The following PHEX variants were observed in gnomAD, a reference collection of about 807,000 sequenced individuals.
The protein encoded by PHEX is phosphate-regulating neutral endopeptidase PHEX.
A neutral mutation model predicts 68.0 loss-of-function variants in PHEX; 16 were observed. The ratio of observed to expected loss-of-function variants is 0.24; its 90% CI spans 0.16 to 0.36. PHEX has a LOEUF of 0.36. PHEX is among the 10% of genes least tolerant of loss of function. The pLI, the probability that PHEX is intolerant of heterozygous loss-of-function variation, is 1.00. For missense variants in PHEX, 480 were observed against 575.5 expected (o/e 0.83, Z 1.70); for synonymous variants, 208 against 205.1 (o/e 1.01, Z -0.12).
In PHEX at chrX:22,231,894, T is replaced by C. The variant is rs761906740; in HGVS notation, c.2070+4283T>C. On this transcript the variant is annotated intron_variant, in intron 20 of 21. Coordinates refer to ENST00000379374, the MANE Select transcript of PHEX (RefSeq NM_000444.6). ...AATTTTAGATCTTTCCTGCTTTCTC[T>C]TGTGTGCATTTAGTGCTATAAATTT... 4.4e-5 allele frequency among the ~76,000 whole-genome samples: 5 copies of C among 112,465 alleles called. No homozygotes were observed. The South Asian group carries it at 1.8e-3, about 41-fold the overall frequency.
At chrX:22,176,985 G>A (rs2301321) in intron 13 of PHEX, among the ~76,000 whole-genome samples, 30,498 of 109,880 alleles carry the variant, frequency 0.28, 3,277 homozygotes, top group African/African-American at 0.37. Flanking sequence ...AACACAGAGG[G>A]TGCCAGGAAT....
rs1293771344 is a variant in PHEX at position 22,132,062 on chromosome X, C to T, written c.1303-1461C>T. 7.2e-5 allele frequency among the ~76,000 whole-genome samples: 8 copies of T among 111,702 alleles called. No homozygotes were observed. The Admixed American group carries it at 7.6e-4, about 11-fold the overall frequency. On this transcript the variant is annotated intron_variant, in intron 11 of 21. Transcript: ENST00000379374. ...TTGCGATAGGTCTTTCAGAAGTCCA[C>T]CTTTCGGTAGCAGCCCCCTTTAGAC...
chrX:22,091,294 G>A (rs1929872134), intron 6 of PHEX, among the ~76,000 whole-genome samples: 1 of 111,557 alleles, frequency 9.0e-6, no homozygotes, highest in Admixed American at 9.5e-5. Flanking sequence ...TGGACAGAAT[G>A]AACATTTGCC....
Position 22,090,456 on chromosome X carries a change from G to A in PHEX, c.691G>A (p.Val231Met), listed in dbSNP as rs376291775. The change falls in exon 6 of 22, where the codon GTG (valine) becomes ATG (methionine). Residue 231 changes from valine (V) to methionine (M), a missense_variant. Val to Met is a conservative substitution (Grantham distance 21). Transcript: ENST00000379374. ...KLDQATLSLA[V>M]REDYLDNSTE... ...GGACCAAGCAACACTCTCCCTGGCCGTGAGGGAAGACTACCTTGATAACAG... is the reference window on the plus strand; with the variant it reads ...GGACCAAGCAACACTCTCCCTGGCCATGAGGGAAGACTACCTTGATAACAG... 129 of 1,207,135 alleles carry A rather than the reference G, an allele frequency of 1.1e-4. No homozygotes were observed. Among genetic ancestry groups the A allele is most frequent in the African/African-American group, 8.2e-4 (47 of 57,283 alleles).
intron 20 of PHEX, among the ~76,000 whole-genome samples, chrX:22,242,107 G>T (rs768617012): frequency 1.2e-4 from 14 of 112,032 alleles, no homozygotes; most frequent in African/African-American, 4.5e-4. Flanking sequence ...TACCTGGGAT[G>T]CAAGGCTGGT....
At chrX:22,163,557 T>TA (rs200055459) in intron 12 of PHEX, among the ~76,000 whole-genome samples, 1,729 of 111,953 alleles carry the variant, frequency 0.015, 35 homozygotes, top group African/African-American at 0.054. Context: ...TCTGTATGAA[T>TA]AAAGCATGAA....
chrX:22,038,519 C>T lies in PHEX; in HGVS notation c.169C>T (p.Pro57Ser). ...LQAKQEYCLK[P>S]ECIEAAAAIL... is the part of the protein sequence containing the mutation. ...AGCTAAACAGGAGTACTGCCTGAAGCCAGAATGCATCGAAGCGGGTAAGTC... is the reference window on the plus strand; with the variant it reads ...AGCTAAACAGGAGTACTGCCTGAAGTCAGAATGCATCGAAGCGGGTAAGTC... The change falls in exon 2 of 22, where the codon CCA (proline) becomes TCA (serine). Residue 57 changes from proline (P) to serine (S), a missense_variant. By Grantham distance (74) the Pro-to-Ser change is moderately conservative. Coordinates refer to ENST00000379374, the MANE Select transcript of PHEX (RefSeq NM_000444.6). 2 of 1,190,450 alleles carry T rather than the reference C, an allele frequency of 1.7e-6. No homozygotes were observed. Among genetic ancestry groups the T allele is most frequent in the East Asian group, 3.0e-5 (1 of 33,730 alleles).
chrX:22,173,588 G>A (rs922856525), intron 13 of PHEX, among the ~76,000 whole-genome samples: 18 of 110,289 alleles, frequency 1.6e-4, no homozygotes, highest in African/African-American at 5.9e-4. Flanking sequence ...TAATAAGTAT[G>A]TCTACATGTA....
intron 3 of PHEX, among the ~76,000 whole-genome samples, chrX:22,061,822 C>T (rs752096242): frequency 9.0e-6 from 1 of 111,514 alleles, no homozygotes; most frequent in South Asian, 3.8e-4. Context: ...CAAACTGTGG[C>T]TTAGAGAGGT....
At chrX:22,142,288 A>G (rs1211781264) in intron 12 of PHEX, among the ~76,000 whole-genome samples, 2 of 112,118 alleles carry the variant, frequency 1.8e-5, no homozygotes, top group African/African-American at 6.5e-5. Context: ...ACTATGACAT[A>G]TTCTTCTAGT....
At chrX:22,137,257 C>G (rs1366533396) in intron 12 of PHEX, among the ~76,000 whole-genome samples, 1 of 111,349 alleles carries the variant, frequency 9.0e-6, no homozygotes, top group Non-Finnish European at 1.9e-5. Flanking sequence ...AAGCTGGATC[C>G]CTTCGGAATT....
intron 2 of PHEX, among the ~76,000 whole-genome samples, chrX:22,041,257 CTCTCTCTCTA>C (rs1212800778): frequency 1.5e-5 from 1 of 65,593 alleles, no homozygotes; most frequent in Non-Finnish European, 2.7e-5. Context: ...CTCTCTCTCT[CTCTCTCTCTA>C]TATATATATA....
intron 3 of PHEX, among the ~76,000 whole-genome samples, chrX:22,049,697 G>A (rs1054097120): frequency 3.5e-4 from 38 of 108,932 alleles, no homozygotes; most frequent in Admixed American, 5.9e-4. Flanking sequence ...GCGAAACCCC[G>A]GCTCTACTAA....
At chrX:22,181,996 T>TA (rs968981151) in intron 14 of PHEX, among the ~76,000 whole-genome samples, 67 of 111,980 alleles carry the variant, frequency 6.0e-4, no homozygotes, top group Non-Finnish European at 1.1e-3. Context: ...TTTTTCCAAA[T>TA]ATAAGATCAT....
chrX:22,044,739 T>TAAATAATAAAA lies in PHEX; in HGVS notation c.188-2309_188-2308insATAATAAAAAA, dbSNP rs1556013709. On this transcript the variant is annotated intron_variant, in intron 2 of 21. Coordinates refer to ENST00000379374, the MANE Select transcript of PHEX (RefSeq NM_000444.6). ...AAAAATAAATAAATAAATAAATAAA[T>TAAATAATAAAA]AATAAAAAATAAAAAAGTAGCAGTA... 1.3e-4 allele frequency among the ~76,000 whole-genome samples: 11 copies of TAAATAATAAAA among 87,293 alleles called. No individual in the cohort carries two copies. The South Asian group carries it at 1.9e-3, about 15-fold the overall frequency. 75.8% of individuals were successfully genotyped at this position (87,293 alleles called of 115,157 possible).
intron 18 of PHEX, among the ~76,000 whole-genome samples, chrX:22,223,764 A>G (rs777605254): frequency 8.9e-6 from 1 of 112,693 alleles, no homozygotes; most frequent in East Asian, 2.8e-4. Flanking sequence ...CGAAACCCTC[A>G]GAGTAAAAAG....
chrX:22,172,565 A>G (rs901822725), intron 13 of PHEX: 1 of 111,140 alleles, frequency 9.0e-6, no homozygotes, highest in African/African-American at 3.3e-5. Flanking sequence ...TTCCAGAGTT[A>G]TTGTCAGAAA....
chrX:22,136,534 A>G (rs1263282572), intron 12 of PHEX, among the ~76,000 whole-genome samples: 1 of 111,980 alleles, frequency 8.9e-6, no homozygotes, highest in Non-Finnish European at 1.9e-5. Flanking sequence ...AGCTGGAAAA[A>G]TGTTCTGATT....
Position 22,098,096 on chromosome X carries a change from T to G in PHEX, c.934-910T>G, listed in dbSNP as rs775029294. 5.1e-5 allele frequency: 5 copies of G among 98,763 alleles called. No individual in the cohort carries two copies. The South Asian group carries it at 1.7e-3, about 34-fold the overall frequency. The allele number at this position is 98,763 out of a possible 1,213,427, so 8.1% of individuals were successfully genotyped here. A position where few individuals can be genotyped will look rare whatever the true frequency, so the allele number is the denominator to read the frequency against. ...GTTGCTGCTTATTTCCTCTTGTGTT[T>G]TTTTTTTTTTTTTTTTAAAAACTGT... On this transcript the variant is annotated intron_variant, in intron 8 of 21. Coordinates refer to ENST00000379374, the MANE Select transcript of PHEX (RefSeq NM_000444.6).
Sources: allele counts gnomAD v4.1 joint callset (sites outside exome capture counted in the v4.1 genomes callset), GRCh38; gene constraint gnomAD v4.1.1; transcripts MANE v1.5; gene names NCBI Gene and HGNC (gene_info 2026-07-23, HGNC 2026-07-21).